Variants in TDRP observed in about 807,000 individuals in gnomAD.
TDRP encodes testis development-related protein.
Under a neutral mutation model 10.5 loss-of-function variants are expected in TDRP, and 12 were observed. That is an observed-to-expected ratio of 1.15 (90% CI 0.73 to 1.86). The LOEUF (loss-of-function observed/expected upper bound fraction) is 1.86, where lower values mean the gene tolerates loss of function less well. TDRP is among the 40% of genes most tolerant of loss of function. The pLI is 0.00. For synonymous variants in TDRP, 139 were observed against 95.4 expected, an observed-to-expected ratio of 1.46 and a Z score of -2.67; for missense variants, 353 against 229.2, an observed-to-expected ratio of 1.54 and a Z score of -3.49.
chr8:519,573 CCT>C (rs566821851), intron 1 of TDRP, among the ~76,000 whole-genome samples: 60 of 152,172 alleles, frequency 3.9e-4, no homozygotes, highest in Admixed American at 1.5e-3. Context: ...GAAAAACCCC[CCT>C]CTCCCCCACC....
chr8:497,472 C>G (rs1801167738), intron 1 of TDRP, among the ~76,000 whole-genome samples: 1 of 152,158 alleles, frequency 6.6e-6, no homozygotes, highest in Non-Finnish European at 1.5e-5. Context: ...AACATGTGGC[C>G]TGGGTGCTCC....
chr8:492,904 T>G (rs759840032), intron 2 of TDRP, among the ~76,000 whole-genome samples, 160 bp from the exon 3 acceptor site: 20 of 152,128 alleles, frequency 1.3e-4, no homozygotes, highest in Non-Finnish European at 2.4e-4. Flanking sequence ...TAAGGAAAAA[T>G]TAGTCACTAT....
At chr8:529,120 T>C (rs117314989) in intron 1 of TDRP, among the ~76,000 whole-genome samples, 5,594 of 152,220 alleles carry the variant, frequency 0.037, 160 homozygotes, top group Non-Finnish European at 0.058. Context: ...CCCACTCAGA[T>C]TGGCGGTGGG....
Position 491,735 on chromosome 8 carries a change from A to T in TDRP, c.*664T>A, listed in dbSNP as rs1800982547. ...AGGGACCGATTTAGAAGTTCAAAAG[A>T]GGTAAAAATAAAATTCCAAAAAAGA... is the stretch of plus-strand genomic sequence containing the variant. On this transcript the variant is annotated 3_prime_UTR_variant, in exon 3 of 3. Coordinates refer to ENST00000324079, the MANE Select transcript of TDRP (RefSeq NM_001384899.1). 2 of 1,432,466 alleles carry T rather than the reference A, an allele frequency of 1.4e-6. No individual in the cohort carries two copies. The highest frequency in any genetic ancestry group is 2.6e-5 in the East Asian group (1 of 38,688). The allele number at this position is 1,432,466 out of a possible 1,614,324, so 88.7% of individuals were successfully genotyped here. A position where few individuals can be genotyped will look rare whatever the true frequency, so the allele number is the denominator to read the frequency against.
intron 1 of TDRP, among the ~76,000 whole-genome samples, chr8:523,295 T>C (rs10216743): frequency 0.58 from 88,759 of 152,044 alleles, 26,605 homozygotes; most frequent in Admixed American, 0.66. Context: ...GTCTCCCCTT[T>C]ATGCTATTCC....
At chr8:541,397 G>C (rs949676880) in intron 1 of TDRP, among the ~76,000 whole-genome samples, 19 of 152,146 alleles carry the variant, frequency 1.2e-4, no homozygotes, top group African/African-American at 3.9e-4. Flanking sequence ...ATCCATCAAA[G>C]AAATAATTCA....
chr8:525,978 T>C (rs1032189097), intron 1 of TDRP, among the ~76,000 whole-genome samples: 1 of 152,192 alleles, frequency 6.6e-6, no homozygotes, highest in African/African-American at 2.4e-5. Context: ...TTTGATCTTA[T>C]TGTTATTGGT....
chr8:491,644 A>G lies in TDRP; in HGVS notation c.*755T>C, dbSNP rs763918349. ...GTTTCCTAAATGAAATTATCAACTGACTAAAATTGATCCATACTTCTTTAA... is the reference window on the plus strand; with the variant it reads ...GTTTCCTAAATGAAATTATCAACTGGCTAAAATTGATCCATACTTCTTTAA... On this transcript the variant is annotated 3_prime_UTR_variant, in exon 3 of 3. Coordinates refer to ENST00000324079, the MANE Select transcript of TDRP (RefSeq NM_001384899.1). 1.3e-6 allele frequency: 2 copies of G among 1,531,538 alleles called. No individual in the cohort carries two copies. The highest frequency in any genetic ancestry group is 1.7e-6 in the Non-Finnish European group (2 of 1,145,452). 94.9% of individuals were successfully genotyped at this position (1,531,538 alleles called of 1,614,324 possible). A position where few individuals can be genotyped will look rare whatever the true frequency, so the allele number is the denominator to read the frequency against.
At chr8:528,624 A>C (rs1802099815) in intron 1 of TDRP, among the ~76,000 whole-genome samples, 1 of 131,080 alleles carries the variant, frequency 7.6e-6, no homozygotes, top group South Asian at 2.9e-4. Flanking sequence ...TTAAAAAATA[A>C]GAGTATAATT....
chr8:516,688 T>C (rs1801764602), intron 1 of TDRP, among the ~76,000 whole-genome samples: 1 of 152,154 alleles, frequency 6.6e-6, no homozygotes, highest in African/African-American at 2.4e-5. Context: ...AGAAGACAGT[T>C]TGGCAGTTTC....
rs974342108 is a variant in TDRP, at chr8:491,643, G to C, written c.*756C>G. On this transcript the variant is annotated 3_prime_UTR_variant, in exon 3 of 3. Coordinates refer to ENST00000324079, the MANE Select transcript of TDRP (RefSeq NM_001384899.1). ...TGTTTCCTAAATGAAATTATCAACT[G>C]ACTAAAATTGATCCATACTTCTTTA... 3.9e-6 allele frequency: 6 copies of C among 1,530,056 alleles called. No homozygotes were observed. In the African/African-American group the frequency reaches 8.3e-5, roughly 21 times the overall value. 94.8% of individuals were successfully genotyped at this position (1,530,056 alleles called of 1,614,324 possible).
chr8:505,805 C>T (rs1031963995), intron 1 of TDRP, among the ~76,000 whole-genome samples: 3 of 152,216 alleles, frequency 2.0e-5, no homozygotes, highest in African/African-American at 4.8e-5. Context: ...AACTCTCAAA[C>T]TGCAGGGTCC....
intron 1 of TDRP, among the ~76,000 whole-genome samples, chr8:501,730 T>C (rs1322495382): frequency 6.6e-6 from 1 of 152,190 alleles, no homozygotes; most frequent in Non-Finnish European, 1.5e-5. Flanking sequence ...TATCCCAATT[T>C]CTCATCAGGA....
At chr8:501,000 A>T (rs569579405) in intron 1 of TDRP, among the ~76,000 whole-genome samples, 3 of 152,104 alleles carry the variant, frequency 2.0e-5, no homozygotes, top group Non-Finnish European at 4.4e-5. Flanking sequence ...AGGTCAGGAG[A>T]TCGAGACCAT....
In TDRP at chr8:491,817, G is replaced by A; in HGVS notation, c.*582C>T. ...AGCTATTCCTCCCTCAGCAAAAGAT[G>A]AACATGCATTTTAAGATACATTTTA... On this transcript the variant is annotated 3_prime_UTR_variant, in exon 3 of 3. Coordinates refer to ENST00000324079, the MANE Select transcript of TDRP (RefSeq NM_001384899.1). The A allele has an allele frequency of 2.4e-6, 3 of 1,246,628 alleles. No homozygotes were observed. The highest frequency in any genetic ancestry group is 3.0e-6 in the Non-Finnish European group (3 of 996,168). The allele number at this position is 1,246,628 out of a possible 1,614,324, so 77.2% of individuals were successfully genotyped here.
chr8:522,174 T>C (rs908716681), intron 1 of TDRP, among the ~76,000 whole-genome samples: 23 of 152,362 alleles, frequency 1.5e-4, no homozygotes, highest in Admixed American at 7.8e-4. Flanking sequence ...ATTGTGCTAC[T>C]ATGTCTCCCT....
At chr8:496,927 G>A (rs1334548475) in intron 1 of TDRP, among the ~76,000 whole-genome samples, 1 of 152,190 alleles carries the variant, frequency 6.6e-6, no homozygotes, top group East Asian at 1.9e-4. Flanking sequence ...TGCCACATAA[G>A]ATGTGCCTTG....
chr8:523,716 G>C (rs1193126365), intron 1 of TDRP, among the ~76,000 whole-genome samples: 1 of 152,170 alleles, frequency 6.6e-6, no homozygotes, highest in Non-Finnish European at 1.5e-5. Flanking sequence ...CTCTGCTTGT[G>C]GAAAGGGGAG....
intron 1 of TDRP, among the ~76,000 whole-genome samples, chr8:502,975 A>G (rs1801346262): frequency 6.6e-6 from 1 of 151,610 alleles, no homozygotes; most frequent in Admixed American, 6.6e-5. Context: ...CCATCTCAGC[A>G]CACGTCAACA....
Sources: allele counts gnomAD v4.1 joint callset (sites outside exome capture counted in the v4.1 genomes callset), GRCh38; gene constraint gnomAD v4.1.1; transcripts MANE v1.5; gene names NCBI Gene and HGNC (gene_info 2026-07-23, HGNC 2026-07-21).